The following IGFBPL1 variants were observed in gnomAD, a reference collection of about 807,000 sequenced individuals.
IGFBPL1 encodes insulin like growth factor binding protein like 1, also known as insulin-like growth factor-binding protein-like 1.
A neutral mutation model predicts 23.9 loss-of-function variants in IGFBPL1; 20 were observed. The observed-to-expected ratio is 0.84, with a 90% confidence interval of 0.59 to 1.22. The LOEUF (loss-of-function observed/expected upper bound fraction) is 1.22, where lower values mean the gene tolerates loss of function less well. Among genes scored for constraint, IGFBPL1 ranks in the 50% most tolerant of loss-of-function variants. The probability of loss-of-function intolerance (pLI) is 0.00; values close to 1 mark genes in which losing one functional copy is unlikely to be tolerated. For synonymous variants in IGFBPL1, 184 were observed against 171.8 expected, an observed-to-expected ratio of 1.07 and a Z score of -0.56; for missense variants, 436 against 379.3, an observed-to-expected ratio of 1.15 and a Z score of -1.24.
At chr9:38,412,744 T>C (rs1821531632) in intron 3 of IGFBPL1, among the ~76,000 whole-genome samples, 1 of 152,204 alleles carries the variant, frequency 6.6e-6, no homozygotes, top group Non-Finnish European at 1.5e-5. Flanking sequence ...CCTTCTCCAG[T>C]TCCTAGTGGA....
At chr9:38,420,268 T>C (rs1258342027) in intron 1 of IGFBPL1, among the ~76,000 whole-genome samples, 1 of 152,174 alleles carries the variant, frequency 6.6e-6, no homozygotes, top group East Asian at 1.9e-4. Context: ...CTCGGCCCTA[T>C]GGGCCCACTT....
At position 38,408,144 on chromosome 9, in the gene IGFBPL1, T is replaced by C. The variant is rs978549426; in HGVS notation, c.*1083A>G. 2.7e-5 allele frequency among the ~76,000 whole-genome samples: 4 copies of C among 149,826 alleles called. No homozygotes were observed. The highest frequency in any genetic ancestry group is 7.4e-5 in the African/African-American group (3 of 40,558). ...GAATGCTAGGCTAGGCCAAGCACAG[T>C]GGCTGATGCCTATAATCCCAGCACT... On this transcript the variant is annotated 3_prime_UTR_variant, in exon 5 of 5. Transcript: ENST00000377694.
In IGFBPL1 at chr9:38,412,566, T is replaced by A. The variant is rs77906541; in HGVS notation, c.687+671A>T. ...TTACCAGCGGGTGACCTTAGGCAGG[T>A]GTACTAGTTCCTTGGGCTGCTGTAA... On this transcript the variant is annotated intron_variant, in intron 3 of 4. Transcript: ENST00000377694. Among the ~76,000 whole-genome samples the A allele has an allele frequency of 7.3e-3, 1,112 of 152,278 alleles. 15 individuals are homozygous for A. Among genetic ancestry groups the A allele is most frequent in the African/African-American group, 0.025 (1,045 of 41,558 alleles).
At chr9:38,414,033 T>A (rs112146704) in intron 2 of IGFBPL1, 61 bp downstream of exon 2, 166 of 761,108 alleles carry the variant, frequency 2.2e-4, no homozygotes, top group Middle Eastern at 4.8e-4. Flanking sequence ...TCCCTCTTTC[T>A]CACACACACA....
intron 4 of IGFBPL1, among the ~76,000 whole-genome samples, 187 bp from the exon 5 acceptor site, chr9:38,409,404 C>T (rs375019601): frequency 2.0e-4 from 31 of 152,064 alleles, no homozygotes; most frequent in Non-Finnish European, 3.2e-4. Flanking sequence ...AAAAGGTGGA[C>T]GTTTCAAAGC....
intron 2 of IGFBPL1, among the ~76,000 whole-genome samples, chr9:38,413,870 G>C (rs1821552600): frequency 1.3e-5 from 2 of 152,178 alleles, no homozygotes. Context: ...GGGTTGCAAT[G>C]TTCCCTTCCA....
At chr9:38,419,061 ATAT>A (rs1243282890) in intron 1 of IGFBPL1, among the ~76,000 whole-genome samples, 5 of 151,998 alleles carry the variant, frequency 3.3e-5, no homozygotes, top group African/African-American at 1.2e-4. Flanking sequence ...AAAGGGATCA[ATAT>A]TATTATTATA....
At chr9:38,422,465 G>GA (rs1239315126) in intron 1 of IGFBPL1, among the ~76,000 whole-genome samples, 4 of 152,254 alleles carry the variant, frequency 2.6e-5, no homozygotes, top group African/African-American at 9.6e-5. Context: ...AACGGCTGAG[G>GA]AAAGCAGTTA....
chr9:38,409,597 T>A (rs1024625844), intron 4 of IGFBPL1, among the ~76,000 whole-genome samples: 10 of 152,188 alleles, frequency 6.6e-5, no homozygotes, highest in Non-Finnish European at 1.2e-4. Flanking sequence ...TTTCATGGTA[T>A]CCTTTTGATG....
intron 4 of IGFBPL1, 70 bp downstream of exon 4, chr9:38,411,321 G>T (rs1311051711): frequency 7.5e-7 from 1 of 1,339,696 alleles, no homozygotes. Flanking sequence ...TTTTTTTACA[G>T]GTCTTATAAG....
chr9:38,424,263 C>A lies in IGFBPL1; in HGVS notation c.162G>T (p.Ala54=). 2 of 1,227,338 alleles carry A rather than the reference C, an allele frequency of 1.6e-6. No homozygotes were observed. The highest frequency in any genetic ancestry group is 2.0e-6 in the Non-Finnish European group (2 of 984,120). 76.0% of individuals were successfully genotyped at this position (1,227,338 alleles called of 1,614,324 possible). Residue 54 remains alanine, a synonymous_variant, in exon 1 of 5, where the codon GCG becomes GCT. Coordinates refer to ENST00000377694, the MANE Select transcript of IGFBPL1 (RefSeq NM_001007563.3). The part of the protein sequence containing the change: ...EGCPAPAPCP[A]PGISALDECG... Reference sequence around the variant, plus strand: ...ACTCGTCGAGCGCCGAGATCCCGGGCGCCGGGCAGGGCGCAGGCGCCGGGC... The same window carrying A: ...ACTCGTCGAGCGCCGAGATCCCGGGAGCCGGGCAGGGCGCAGGCGCCGGGC...
rs10973793 is a variant in IGFBPL1 at position 38,409,214 on chromosome 9, G to C, written c.*13C>G. The C allele has an allele frequency of 0.23, 34,831 of 152,058 alleles. 4,520 individuals are homozygous for C. The highest frequency in any genetic ancestry group is 0.3 in the Non-Finnish European group (20,663 of 68,004). The allele number at this position is 152,058 out of a possible 1,614,324, so 9.4% of individuals were successfully genotyped here. A position where few individuals can be genotyped will look rare whatever the true frequency, so the allele number is the denominator to read the frequency against. On this transcript the variant is annotated 3_prime_UTR_variant, in exon 5 of 5. Transcript: ENST00000377694. ...ATCATCCCATGATCAATGTTTCTAA[G>C]ACCCTAGGAAGAAAAGGAGAGAAAG...
At chr9:38,411,261 CTCT>C (rs1821509509) in intron 4 of IGFBPL1, 127 bp downstream of exon 4, 4 of 720,856 alleles carry the variant, frequency 5.5e-6, no homozygotes, top group Non-Finnish European at 9.0e-6. Context: ...TATGTCCCTA[CTCT>C]TCTTTTGCTC....
chr9:38,414,290 G>A (rs1384464103), intron 1 of IGFBPL1, 87 bp from the exon 2 acceptor site: 26 of 729,956 alleles, frequency 3.6e-5, no homozygotes, highest in South Asian at 3.4e-5. Flanking sequence ...CGGAGAGCCC[G>A]CTGTGATGTC....
rs1449840428 is a variant in IGFBPL1, at chr9:38,413,341, G to A, written c.583C>T (p.Pro195Ser). 3 of 1,612,114 alleles carry A rather than the reference G, an allele frequency of 1.9e-6. No individual in the cohort carries two copies. The highest frequency in any genetic ancestry group is 2.5e-6 in the Non-Finnish European group (3 of 1,178,456). ...TCCTCCAGTGCTTGGGTGCCCTCAG[G>A]GGACTTCGTGACCTACAGGGGACAG... ...VITWRKVTKS[P>S]EGTQALEELP... Residue 195 changes from proline (P) to serine (S), a missense_variant, in exon 3 of 5, where the codon CCT (proline) becomes TCT (serine). Transcript: ENST00000377694.
rs1402814277 is a variant in IGFBPL1, at chr9:38,414,125, G to A, written c.539C>T (p.Ala180Val). The A allele has an allele frequency of 1.2e-6, 2 of 1,612,748 alleles. No homozygotes were observed. The highest frequency in any genetic ancestry group is 1.7e-6 in the Non-Finnish European group (2 of 1,179,336). The part of the protein sequence containing the change: ...AQVGLSCEVR[A>V]VPTPVITWRK... ...CCACGTGATGACTGGGGTAGGCACA[G>A]CCCTCACTTCACAGGACAGGCCCAC... Residue 180 changes from alanine to valine, a missense_variant, in exon 2 of 5, where the codon GCT becomes GTT. Physicochemically the swap from Ala to Val is moderately conservative, Grantham distance 64. Coordinates refer to ENST00000377694, the MANE Select transcript of IGFBPL1 (RefSeq NM_001007563.3).
At chr9:38,415,271 C>A (rs1177283399) in intron 1 of IGFBPL1, among the ~76,000 whole-genome samples, 1 of 152,198 alleles carries the variant, frequency 6.6e-6, no homozygotes, top group African/African-American at 2.4e-5. Flanking sequence ...CAAACATGTT[C>A]ATTTCCAGGC....
At chr9:38,417,787 G>A (rs150840556) in intron 1 of IGFBPL1, among the ~76,000 whole-genome samples, 42 of 152,266 alleles carry the variant, frequency 2.8e-4, no homozygotes, top group African/African-American at 9.9e-4. Context: ...AGCTCAAGAG[G>A]GACTTGGCGC....
chr9:38,419,341 C>A (rs1821642087), intron 1 of IGFBPL1, among the ~76,000 whole-genome samples: 1 of 152,154 alleles, frequency 6.6e-6, no homozygotes, highest in Admixed American at 6.5e-5. Flanking sequence ...TAATCCTGCT[C>A]CCTGCAGCCT....
Sources: gnomAD v4.1 joint callset for allele counts (sites outside exome capture counted in the v4.1 genomes callset) on GRCh38, gnomAD v4.1.1 for gene constraint, MANE v1.5 for transcripts, NCBI Gene and HGNC (gene_info 2026-07-23, HGNC 2026-07-21) for gene names.